The following MARK3 variants were observed in gnomAD, a reference collection of about 807,000 sequenced individuals.
MARK3 encodes microtubule affinity regulating kinase 3.
MARK3 carries 46 observed loss-of-function variants against 90.1 expected under a neutral mutation model. The ratio of observed to expected loss-of-function variants is 0.51; its 90% CI spans 0.40 to 0.65. MARK3 has a LOEUF of 0.65. MARK3 is among the 30% of genes least tolerant of loss of function. The pLI, the probability that MARK3 is intolerant of heterozygous loss-of-function variation, is 0.00. For missense variants in MARK3, 818 were observed against 947.2 expected (o/e 0.86, Z 1.79); for synonymous variants, 321 against 332.6 (o/e 0.97, Z 0.38).
chr14:103,397,326 A>ATTTTT (rs34252723), intron 1 of MARK3, among the ~76,000 whole-genome samples: 2 of 133,104 alleles, frequency 1.5e-5, no homozygotes, highest in African/African-American at 5.6e-5. Context: ...CTGAATAAAC[A>ATTTTT]TTTTTTTTTT....
intron 4 of MARK3, among the ~76,000 whole-genome samples, chr14:103,451,171 G>A (rs566387133): frequency 2.0e-5 from 3 of 151,596 alleles, no homozygotes; most frequent in Non-Finnish European, 4.4e-5. Flanking sequence ...CAGCAGAAAC[G>A]ATCCACCCGC....
intron 12 of MARK3, among the ~76,000 whole-genome samples, chr14:103,470,472 T>TTTTTTTTTTA (rs1595836589): frequency 7.3e-6 from 1 of 137,232 alleles, no homozygotes; most frequent in African/African-American, 2.6e-5. Context: ...TTTTTTTTTT[T>TTTTTTTTTTA]GAGATGGAGT....
chr14:103,435,758 G>T (rs2092701853), intron 3 of MARK3, among the ~76,000 whole-genome samples: 1 of 151,938 alleles, frequency 6.6e-6, no homozygotes, highest in Non-Finnish European at 1.5e-5. Context: ...TTGTCCTGTT[G>T]CCCAGGATGG....
chr14:103,467,316 C>T (rs1188259849), intron 11 of MARK3, 125 bp downstream of exon 11: 4 of 526,876 alleles, frequency 7.6e-6, no homozygotes, highest in Non-Finnish European at 1.3e-5. Context: ...GATTTACTTG[C>T]AAATAGCAAA....
At chr14:103,425,260 A>AT (rs894334576) in intron 2 of MARK3, among the ~76,000 whole-genome samples, 31 of 146,056 alleles carry the variant, frequency 2.1e-4, no homozygotes, top group African/African-American at 7.9e-4. Context: ...TTATTTATTT[A>AT]TTTATTTATT....
chr14:103,428,707 G>T (rs1434087492), intron 3 of MARK3, among the ~76,000 whole-genome samples: 4 of 151,950 alleles, frequency 2.6e-5, no homozygotes, highest in African/African-American at 9.7e-5. Context: ...GTACGAGGCT[G>T]TACTTTTTAT....
chr14:103,427,221 C>G (rs996253372), intron 2 of MARK3, among the ~76,000 whole-genome samples: 2 of 151,138 alleles, frequency 1.3e-5, no homozygotes, highest in African/African-American at 4.9e-5. Flanking sequence ...AGAAACAGGC[C>G]AGGCGCTGTG....
intron 3 of MARK3, among the ~76,000 whole-genome samples, chr14:103,442,947 C>G (rs1424799731): frequency 2.0e-5 from 3 of 150,292 alleles, no homozygotes; most frequent in Admixed American, 1.3e-4. Context: ...GGGTGTCCCC[C>G]CCCCTCCCAC....
intron 3 of MARK3, among the ~76,000 whole-genome samples, chr14:103,433,103 T>TG (rs1196308642): frequency 1.3e-5 from 2 of 149,838 alleles, no homozygotes; most frequent in Non-Finnish European, 3.0e-5. Flanking sequence ...CTTTTTTTTT[T>TG]GAGACAGAGT....
At chr14:103,466,909 C>T (rs2093514498) in intron 10 of MARK3, among the ~76,000 whole-genome samples, 170 bp from the exon 11 acceptor site, 1 of 149,862 alleles carries the variant, frequency 6.7e-6, no homozygotes, top group African/African-American at 2.5e-5. Context: ...GAGGCTGAGG[C>T]AGGAGAATTG....
At chr14:103,499,560 TACCTGTGC>T (rs1249329275) in intron 16 of MARK3, 1 of 152,410 alleles carries the variant, frequency 6.6e-6, no homozygotes. Flanking sequence ...GGCTACATTG[TACCTGTGC>T]CTCTCAAGTC....
At chr14:103,417,740 T>G (rs1482346752) in intron 2 of MARK3, among the ~76,000 whole-genome samples, 1 of 152,162 alleles carries the variant, frequency 6.6e-6, no homozygotes, top group East Asian at 1.9e-4. Context: ...CTGGGAGATA[T>G]TTTTAACTTC....
chr14:103,471,992 C>T (rs567577983), intron 12 of MARK3, among the ~76,000 whole-genome samples: 3 of 152,084 alleles, frequency 2.0e-5, no homozygotes, highest in Admixed American at 1.3e-4. Context: ...AGGTGGATCA[C>T]GAGGTCAGGA....
At chr14:103,388,632 C>A (rs908530923) in intron 1 of MARK3, among the ~76,000 whole-genome samples, 1 of 152,180 alleles carries the variant, frequency 6.6e-6, no homozygotes, top group Non-Finnish European at 1.5e-5. Flanking sequence ...ATGTAGAACA[C>A]TTCCATTGCC....
At chr14:103,465,393 G>A (rs2093483682) in intron 7 of MARK3, among the ~76,000 whole-genome samples, 164 bp from the exon 8 acceptor site, 1 of 152,166 alleles carries the variant, frequency 6.6e-6, no homozygotes, top group Non-Finnish European at 1.5e-5. Context: ...AAAATAAGGA[G>A]TTCTGACTTG....
chr14:103,405,758 T>TTTTTTGTA (rs1350672424), intron 2 of MARK3, among the ~76,000 whole-genome samples: 1 of 149,174 alleles, frequency 6.7e-6, no homozygotes, highest in Non-Finnish European at 1.5e-5. Context: ...ATTTTTTTTT[T>TTTTTTGTA]TTTTTGTATT....
chr14:103,473,878 T>C (rs1038721353), intron 12 of MARK3, among the ~76,000 whole-genome samples: 7 of 151,752 alleles, frequency 4.6e-5, no homozygotes, highest in African/African-American at 1.7e-4. Flanking sequence ...CTTTAATATA[T>C]CTAAAATATA....
intron 3 of MARK3, among the ~76,000 whole-genome samples, chr14:103,440,620 T>C (rs2092826549): frequency 6.6e-6 from 1 of 151,848 alleles, no homozygotes; most frequent in South Asian, 2.1e-4. Context: ...AAAATTGTGC[T>C]ATCAATTTGG....
intron 2 of MARK3, among the ~76,000 whole-genome samples, chr14:103,408,298 C>A (rs990111121): frequency 6.6e-6 from 1 of 152,184 alleles, no homozygotes; most frequent in South Asian, 2.1e-4. Flanking sequence ...AGCGATTCTC[C>A]TGCCTTAGCC....
Sources: allele counts gnomAD v4.1 joint callset (sites outside exome capture counted in the v4.1 genomes callset), GRCh38; gene constraint gnomAD v4.1.1; transcripts MANE v1.5; gene names NCBI Gene and HGNC (gene_info 2026-07-23, HGNC 2026-07-21).